Variants in SMARCA4 observed in about 807,000 individuals in gnomAD.
The protein encoded by SMARCA4 is SWI/SNF related BAF chromatin remodeling complex subunit ATPase 4.
In SMARCA4, 31 loss-of-function variants were observed where a neutral mutation model predicts 193.9. That is an observed-to-expected ratio of 0.16 (90% CI 0.12 to 0.22). SMARCA4 has a LOEUF of 0.22. Among genes scored for constraint, SMARCA4 ranks in the 10% least tolerant of loss-of-function variants. The probability of loss-of-function intolerance (pLI) is 1.00; values close to 1 mark genes in which losing one functional copy is unlikely to be tolerated. For missense variants in SMARCA4, 1,148 were observed against 2,296.0 expected (o/e 0.50, Z 10.22); for synonymous variants, 942 against 933.1 (o/e 1.01, Z -0.17).
At chr19:11,048,245 T>C (rs879305752) in intron 30 of SMARCA4, among the ~76,000 whole-genome samples, 3 of 152,166 alleles carry the variant, frequency 2.0e-5, no homozygotes, top group Non-Finnish European at 4.4e-5. Context: ...TTTTATTTAT[T>C]TTTTGAGGCA....
rs766765378 is a variant in SMARCA4, at chr19:11,018,937, T to A, written c.2439-20T>A. The A allele has an allele frequency of 1.4e-5, 22 of 1,610,136 alleles. No homozygotes were observed. The highest frequency in any genetic ancestry group is 1.7e-5 in the Non-Finnish European group (20 of 1,176,410). On this transcript the variant is annotated intron_variant, in intron 16 of 34. Coordinates refer to ENST00000344626, the MANE Select transcript of SMARCA4 (RefSeq NM_003072.5). ...TTGATGAGAGACCGGCACTTGACTC[T>A]CATTTCCTTGTTCCATCAGAACGCT...
At chr19:10,978,812 A>G (rs2085339132) in intron 1 of SMARCA4, among the ~76,000 whole-genome samples, 1 of 151,486 alleles carries the variant, frequency 6.6e-6, no homozygotes, top group Admixed American at 6.6e-5. Context: ...AGCCAGGTAT[A>G]GTGGTGCGTG....
intron 34 of SMARCA4, among the ~76,000 whole-genome samples, chr19:11,061,202 A>ATATATAT (rs1467232116): frequency 2.3e-4 from 14 of 61,428 alleles, no homozygotes; most frequent in Admixed American, 4.2e-4. Flanking sequence ...AAAAAAAAAA[A>ATATATAT]AAATATATAT....
intron 1 of SMARCA4, among the ~76,000 whole-genome samples, chr19:10,974,729 CAG>C (rs1335014282): frequency 1.5e-5 from 1 of 65,552 alleles, no homozygotes; most frequent in Non-Finnish European, 2.6e-5. Context: ...TTTTTTGAGA[CAG>C]AGTCTTGCTC....
chr19:10,994,622 T>A (rs950790864), intron 8 of SMARCA4, among the ~76,000 whole-genome samples: 1 of 151,918 alleles, frequency 6.6e-6, no homozygotes, highest in Non-Finnish European at 1.5e-5. Context: ...CCAGCCCTAA[T>A]TTTTTTATTT....
At chr19:10,979,918 A>G (rs190894635) in intron 1 of SMARCA4, among the ~76,000 whole-genome samples, 261 of 152,232 alleles carry the variant, frequency 1.7e-3, no homozygotes, top group East Asian at 4.2e-3. Flanking sequence ...CTGTTCACCT[A>G]TGATCCTGCG....
intron 1 of SMARCA4, among the ~76,000 whole-genome samples, chr19:10,972,731 C>T (rs1048945726): frequency 3.9e-5 from 6 of 152,196 alleles, no homozygotes; most frequent in Admixed American, 2.0e-4. Context: ...TCACTCCTCA[C>T]GCTCAGTGTT....
Position 11,010,422 on chromosome 19 carries a change from A to G in SMARCA4, c.2165A>G (p.Gln722Arg), listed in dbSNP as rs367789807. 6.2e-7 allele frequency: 1 copy of G among 1,614,060 alleles called. No individual in the cohort carries two copies. The highest frequency in any genetic ancestry group is 1.3e-5 in the African/African-American group (1 of 74,940). The change falls in exon 15 of 35, where the codon CAG becomes CGG. Residue 722 changes from glutamine (Q) to arginine (R), a missense_variant. This residue lies in a region of SMARCA4 where 6 missense variants were observed against 45.7 expected (regional missense o/e 0.13). Coordinates refer to ENST00000344626, the MANE Select transcript of SMARCA4 (RefSeq NM_003072.5). ...QDVDDEYGVS[Q>R]ALARGLQSYY... is the part of the protein sequence containing the mutation. ...GTCGATGATGAATATGGCGTGTCCC[A>G]GGCCCTTGCACGTGGCCTGCAGTCC...
In SMARCA4 at chr19:11,012,937, C is replaced by T. The variant is rs2146275923; in HGVS notation, c.2275-12C>T. On this transcript the variant is annotated splice_polypyrimidine_tract_variant and intron_variant, in intron 15 of 34. Coordinates refer to ENST00000344626, the MANE Select transcript of SMARCA4 (RefSeq NM_003072.5). Reference sequence around the variant, plus strand: ...GCCTTCAGTCCTGGCGTGGCCGCATCTGTCCTTGCAGATCAAAGGTTTGGA... The same window carrying T: ...GCCTTCAGTCCTGGCGTGGCCGCATTTGTCCTTGCAGATCAAAGGTTTGGA... The T allele has an allele frequency of 6.2e-7, 1 of 1,614,098 alleles. No individual in the cohort carries two copies. The highest frequency in any genetic ancestry group is 2.2e-5 in the East Asian group (1 of 44,882).
At position 10,986,221 on chromosome 19, in the gene SMARCA4, G is replaced by T. The variant is rs779298300; in HGVS notation, c.388G>T (p.Ala130Ser). ...CTCGCCCCTGGGTGGCTCTGAGCAT[G>T]CCTCTAGTCCAGTTCCAGCCAGTGG... Reference protein sequence around the residue: ...YPSPLGGSEHASSPVPASGPS... With the variant: ...YPSPLGGSEHSSSPVPASGPS... Residue 130 changes from alanine to serine, a missense_variant, in exon 4 of 35, where the codon GCC (alanine) becomes TCC (serine). Transcript: ENST00000344626. The surrounding 1 kb of genome is among the most constrained non-coding windows in gnomAD (Gnocchi z 6.7). The T allele has an allele frequency of 6.2e-7, 1 of 1,613,948 alleles. No individual in the cohort carries two copies. The highest frequency in any genetic ancestry group is 8.5e-7 in the Non-Finnish European group (1 of 1,180,012).
chr19:11,029,185 T>G (rs2090468235), intron 24 of SMARCA4, among the ~76,000 whole-genome samples: 1 of 152,208 alleles, frequency 6.6e-6, no homozygotes, highest in African/African-American at 2.4e-5. Context: ...AGGGTCCTCA[T>G]GGCCGGGCCA....
intron 16 of SMARCA4, among the ~76,000 whole-genome samples, chr19:11,017,512 C>A (rs938427090): frequency 7.2e-5 from 11 of 152,250 alleles, no homozygotes; most frequent in Non-Finnish European, 1.3e-4. Context: ...TATGGGCATC[C>A]GGCTGTGCCG....
Position 11,033,218 on chromosome 19 carries a change from AG to A in SMARCA4, c.3547-71del. 8.7e-7 allele frequency: 1 copy of A among 1,143,596 alleles called. No homozygotes were observed. Among genetic ancestry groups the A allele is most frequent in the Non-Finnish European group, 1.3e-6 (1 of 754,504 alleles). The allele number at this position is 1,143,596 out of a possible 1,614,324, so 70.8% of individuals were successfully genotyped here. A position where few individuals can be genotyped will look rare whatever the true frequency, so the allele number is the denominator to read the frequency against. On this transcript the variant is annotated intron_variant, in intron 25 of 34. Coordinates refer to ENST00000344626, the MANE Select transcript of SMARCA4 (RefSeq NM_003072.5). The surrounding 1 kb of genome is among the most constrained non-coding windows in gnomAD (Gnocchi z 9.8). ...GCACGCACAGCACACCTCTCCAGCT[AG>A]TGTCAGAGGCCACCTTCCCTTTTAT...
At chr19:10,996,133 C>A in intron 9 of SMARCA4, 80 bp from the exon 10 acceptor site, 1 of 1,488,192 alleles carries the variant, frequency 6.7e-7, no homozygotes, top group Non-Finnish European at 9.4e-7. Context: ...CCTCAGTGCG[C>A]TTCTGGATTG....
chr19:11,038,567 C>T (rs1166222950), intron 29 of SMARCA4, among the ~76,000 whole-genome samples: 1 of 152,188 alleles, frequency 6.6e-6, no homozygotes, highest in Non-Finnish European at 1.5e-5. Flanking sequence ...TCTGGTGTCT[C>T]TCTCTTCCCT....
intron 15 of SMARCA4, 189 bp from the exon 16 acceptor site, chr19:11,012,760 C>T (rs540844402): frequency 2.0e-4 from 130 of 655,254 alleles, no homozygotes; most frequent in African/African-American, 1.9e-3. Context: ...GACGTTATTG[C>T]TAAGGATGAG....
At chr19:10,988,826 A>G (rs943320776) in intron 6 of SMARCA4, among the ~76,000 whole-genome samples, 3 of 152,268 alleles carry the variant, frequency 2.0e-5, no homozygotes, top group African/African-American at 7.2e-5. Context: ...CCTGGCATAC[A>G]GTTGGTGCTC....
At chr19:11,060,799 C>T (rs1035693137) in intron 34 of SMARCA4, among the ~76,000 whole-genome samples, 7 of 152,242 alleles carry the variant, frequency 4.6e-5, no homozygotes, top group African/African-American at 1.4e-4. Flanking sequence ...CACCGAAGGG[C>T]CTGGCTCCCG....
rs1367922115 is a variant in SMARCA4 at position 11,041,272 on chromosome 19, C to T, written c.4171-35C>T. 6.3e-7 allele frequency: 1 copy of T among 1,579,820 alleles called. No homozygotes were observed. The highest frequency in any genetic ancestry group is 1.7e-5 in the Admixed American group (1 of 58,462). On this transcript the variant is annotated intron_variant, in intron 29 of 34. Transcript: ENST00000344626. This position sits in a 1 kb window ranked among gnomAD's most constrained non-coding sequence, Gnocchi z 5.6. ...CGGCCTCTGCTTGTCGACCTGGGTG[C>T]TGGCTGTCCTATTTTACTACTATTG...
Sources: allele counts gnomAD v4.1 joint callset (sites outside exome capture counted in the v4.1 genomes callset), GRCh38; gene constraint gnomAD v4.1.1; regional missense constraint gnomAD v4.1.1; non-coding constraint Gnocchi (gnomAD v3.1); transcripts MANE v1.5; gene names NCBI Gene and HGNC (gene_info 2026-07-23, HGNC 2026-07-21).